The following RPL26L1 variants were observed in gnomAD, a reference collection of about 807,000 sequenced individuals.
RPL26L1 encodes ribosomal protein uL24-like.
A neutral mutation model predicts 15.2 loss-of-function variants in RPL26L1; 8 were observed. The observed-to-expected ratio is 0.53, with a 90% CI of 0.31 to 0.95. The LOEUF is 0.95. Among genes scored for constraint, RPL26L1 ranks in the 40% least tolerant of loss-of-function variants. RPL26L1 has a pLI of 0.05. For synonymous variants in RPL26L1, 51 were observed against 65.9 expected (o/e 0.77, Z 1.09); for missense variants, 146 against 190.9 (o/e 0.76, Z 1.39).
chr5:172,960,908 T>G (rs534052065), intron 2 of RPL26L1, among the ~76,000 whole-genome samples: 5 of 106,512 alleles, frequency 4.7e-5, no homozygotes, highest in Admixed American at 1.3e-4. Flanking sequence ...ATAATTGTTG[T>G]GGGGGGTGGG....
At chr5:172,967,993 C>T (rs931438640) in intron 2 of RPL26L1, among the ~76,000 whole-genome samples, 4 of 151,770 alleles carry the variant, frequency 2.6e-5, no homozygotes, top group African/African-American at 9.7e-5. Context: ...TCAGAATGCT[C>T]CAAAATCTGA....
At chr5:172,965,682 G>T (rs1235604984) in intron 2 of RPL26L1, among the ~76,000 whole-genome samples, 1 of 152,102 alleles carries the variant, frequency 6.6e-6, no homozygotes, top group South Asian at 2.1e-4. Context: ...TTTCCCATTC[G>T]CTCTGGCCAC....
chr5:172,964,233 C>T (rs1755356726), intron 2 of RPL26L1, among the ~76,000 whole-genome samples: 1 of 150,664 alleles, frequency 6.6e-6, no homozygotes, highest in Admixed American at 6.6e-5. Flanking sequence ...CCTTGGCCTC[C>T]CAAAGTGCTG....
chr5:172,965,880 C>G (rs1755431779), intron 2 of RPL26L1, among the ~76,000 whole-genome samples: 1 of 152,188 alleles, frequency 6.6e-6, no homozygotes, highest in African/African-American at 2.4e-5. Context: ...TAGAATGTCC[C>G]CAGATGCTTC....
upstream of RPL26L1, among the ~76,000 whole-genome samples, chr5:172,956,537 G>A (rs1754980718): frequency 6.6e-6 from 1 of 152,158 alleles, no homozygotes; most frequent in African/African-American, 2.4e-5. Context: ...GACAGTAAAT[G>A]CTCAGCCCAT....
At chr5:172,956,467 A>G (rs2113512688), upstream of RPL26L1, among the ~76,000 whole-genome samples, 1 of 152,320 alleles carries the variant, frequency 6.6e-6, no homozygotes, top group East Asian at 1.9e-4. Flanking sequence ...GGGACAATTC[A>G]TACTGTTATT....
chr5:172,965,760 A>G (rs1366970527), intron 2 of RPL26L1, among the ~76,000 whole-genome samples: 3 of 151,954 alleles, frequency 2.0e-5, no homozygotes, highest in Admixed American at 2.0e-4. Context: ...CCCTTTTCTC[A>G]TACCATCACT....
chr5:172,961,372 A>G (rs971469648), intron 2 of RPL26L1, among the ~76,000 whole-genome samples: 1 of 152,220 alleles, frequency 6.6e-6, no homozygotes, highest in African/African-American at 2.4e-5. Context: ...GGAAAGCTCA[A>G]GCCTCACATA....
chr5:172,959,688 C>A, intron 1 of RPL26L1, 177 bp from the exon 2 acceptor site: 1 of 1,078,184 alleles, frequency 9.3e-7, no homozygotes, highest in Non-Finnish European at 1.3e-6. Flanking sequence ...TCCACACACG[C>A]CTCACTTTAT....
chr5:172,967,838 ATATG>A (rs1203339091), intron 2 of RPL26L1, among the ~76,000 whole-genome samples: 2 of 129,208 alleles, frequency 1.5e-5, no homozygotes, highest in African/African-American at 2.9e-5. Context: ...TGTATGACAT[ATATG>A]TATGTTACAT....
At chr5:172,964,289 T>C in intron 2 of RPL26L1, among the ~76,000 whole-genome samples, 1 of 135,682 alleles carries the variant, frequency 7.4e-6, no homozygotes, top group East Asian at 2.1e-4. Flanking sequence ...GCCTTTTTTT[T>C]TTTTTTTTTT....
At chr5:172,964,640 C>A (rs1755380727) in intron 2 of RPL26L1, among the ~76,000 whole-genome samples, 1 of 152,154 alleles carries the variant, frequency 6.6e-6, no homozygotes, top group Admixed American at 6.6e-5. Flanking sequence ...AGCCAAAGGC[C>A]ATGCTGGCTG....
chr5:172,967,739 A>G (rs1054705365), intron 2 of RPL26L1, among the ~76,000 whole-genome samples: 13 of 151,622 alleles, frequency 8.6e-5, no homozygotes, highest in Non-Finnish European at 4.4e-5. Flanking sequence ...TGCTATATAT[A>G]TGAAATGTGT....
chr5:172,955,047 T>G (rs943492052), upstream of RPL26L1: 2 of 450,890 alleles, frequency 4.4e-6, no homozygotes, highest in East Asian at 7.0e-5. Context: ...CTGGTTGGGG[T>G]GGGTGAAACC....
chr5:172,959,971 C>A lies in RPL26L1; in HGVS notation c.98C>A (p.Pro33Gln), dbSNP rs758996483. The change falls in exon 2 of 4, where the codon CCG (proline) becomes CAG (glutamine). Residue 33 changes from proline (P) to glutamine (Q), a missense_variant. Pro to Gln is a moderately conservative substitution (Grantham distance 76). Transcript: ENST00000265100. ...SHVRRKIMSS[P>Q]LSKELRQKYN... is the part of the protein sequence containing the mutation. ...GTGCGCAGGAAGATCATGTCATCCC[C>A]GCTCTCCAAGGAGCTGCGGCAGAAG... 2 of 1,614,206 alleles carry A rather than the reference C, an allele frequency of 1.2e-6. No homozygotes were observed. Among genetic ancestry groups the A allele is most frequent in the East Asian group, 4.5e-5 (2 of 44,872 alleles).
At chr5:172,966,614 T>C (rs964950200) in intron 2 of RPL26L1, among the ~76,000 whole-genome samples, 9 of 135,466 alleles carry the variant, frequency 6.6e-5, no homozygotes, top group Non-Finnish European at 1.4e-4. Context: ...AAAGTGTGTA[T>C]GTGTGTATTT....
chr5:172,968,629 G>C (rs1285838067), intron 3 of RPL26L1, 30 bp downstream of exon 3: 1 of 1,613,298 alleles, frequency 6.2e-7, no homozygotes, highest in Non-Finnish European at 8.5e-7. Flanking sequence ...GGCAGTAGCA[G>C]CCATGGAGTG....
upstream of RPL26L1, chr5:172,959,335 C>T: frequency 1.0e-6 from 1 of 1,001,526 alleles, no homozygotes; most frequent in Middle Eastern, 5.2e-4. Context: ...ACTGAGATCC[C>T]ACCCCAAGCC....
upstream of RPL26L1, chr5:172,955,191 C>A: frequency 2.9e-6 from 1 of 341,170 alleles, no homozygotes; most frequent in South Asian, 2.2e-5. Flanking sequence ...TGCAATGGCG[C>A]GATATCGGCT....
Sources: gnomAD v4.1 joint callset for allele counts (sites outside exome capture counted in the v4.1 genomes callset) on GRCh38, gnomAD v4.1.1 for gene constraint, MANE v1.5 for transcripts, NCBI Gene and HGNC (gene_info 2026-07-23, HGNC 2026-07-21) for gene names.